TMC7: variants seen among roughly 807,000 people sequenced by gnomAD.
TMC7 encodes transmembrane channel-like protein 7.
Under a neutral mutation model 82.9 loss-of-function variants are expected in TMC7, and 54 were observed. That is an observed-to-expected ratio of 0.65 (90% confidence interval 0.52 to 0.82). The LOEUF (loss-of-function observed/expected upper bound fraction) is 0.82. Ranked by LOEUF, TMC7 falls within the 40% of genes least tolerant of loss-of-function variation. The pLI, the probability that TMC7 is intolerant of heterozygous loss-of-function variation, is 0.00. For missense variants in TMC7, 820 were observed against 901.2 expected, an observed-to-expected ratio of 0.91 and a Z score of 1.15; for synonymous variants, 350 against 337.9, an observed-to-expected ratio of 1.04 and a Z score of -0.39.
intron 12 of TMC7, among the ~76,000 whole-genome samples, chr16:19,048,177 T>C (rs996588354): frequency 1.3e-5 from 2 of 151,642 alleles, no homozygotes; most frequent in African/African-American, 4.8e-5. Context: ...GGTCTTGCCA[T>C]GTTGTCCAGG....
At chr16:18,992,368 T>A (rs1280153197) in intron 1 of TMC7, among the ~76,000 whole-genome samples, 1 of 152,244 alleles carries the variant, frequency 6.6e-6, no homozygotes, top group African/African-American at 2.4e-5. Context: ...CATTTTTTCA[T>A]GTGTCTGTTG....
chr16:19,003,592 C>G (rs1391289755), intron 1 of TMC7, among the ~76,000 whole-genome samples: 1 of 145,374 alleles, frequency 6.9e-6, no homozygotes. Context: ...AATAGAAAGG[C>G]GGGAAAGGTG....
intron 6 of TMC7, chr16:19,033,908 T>C (rs759206765): frequency 6.6e-6 from 1 of 152,226 alleles, no homozygotes; most frequent in Non-Finnish European, 1.5e-5. Flanking sequence ...GCAGAATGAC[T>C]GATCATAACA....
chr16:19,024,835 T>C (rs1336373983), intron 5 of TMC7, among the ~76,000 whole-genome samples: 1 of 151,956 alleles, frequency 6.6e-6, no homozygotes, highest in Non-Finnish European at 1.5e-5. Context: ...TAAAACCCCA[T>C]CTCTACTAAA....
intron 7 of TMC7, 95 bp downstream of exon 7, chr16:19,035,918 G>A: frequency 7.1e-7 from 1 of 1,417,092 alleles, no homozygotes; most frequent in Non-Finnish European, 9.5e-7. Context: ...TCAAGGGTCG[G>A]GGACAGGTTG....
chr16:19,050,869 A>G (rs1961506674), intron 12 of TMC7, among the ~76,000 whole-genome samples: 1 of 151,960 alleles, frequency 6.6e-6, no homozygotes, highest in Admixed American at 6.6e-5. Flanking sequence ...ACTATAACCT[A>G]ATGAACTCCT....
Position 19,040,316 on chromosome 16 carries a change from A to G in TMC7, c.1207A>G (p.Asn403Asp). ...AATCGACAAGATGGTTTTTGGAGAGAACCTCTTCATATTGTATCTACCGTC... is the reference window on the plus strand; with the variant it reads ...AATCGACAAGATGGTTTTTGGAGAGGACCTCTTCATATTGTATCTACCGTC... Reference protein sequence around the residue: ...KEIDKMVFGENLFILYLPSIV... With the variant: ...KEIDKMVFGEDLFILYLPSIV... Residue 403 changes from asparagine (N) to aspartate (D), a missense_variant, in exon 9 of 16, where the codon AAC (asparagine) becomes GAC (aspartate). By Grantham distance (23) the Asn-to-Asp change is conservative. Coordinates refer to ENST00000304381, the MANE Select transcript of TMC7 (RefSeq NM_024847.4). The G allele has an allele frequency of 6.2e-7, 1 of 1,613,624 alleles. No individual in the cohort carries two copies. Among genetic ancestry groups the G allele is most frequent in the Non-Finnish European group, 8.5e-7 (1 of 1,179,924 alleles).
chr16:19,024,548 C>CT (rs781370740), intron 5 of TMC7, among the ~76,000 whole-genome samples: 195 of 151,506 alleles, frequency 1.3e-3, no homozygotes, highest in Middle Eastern at 3.4e-3. Context: ...TATTGATATT[C>CT]TTTTTTTTTA....
rs147850292 is a variant in TMC7, at chr16:19,044,929, G to T, written c.1383G>T (p.Thr461=). The T allele has an allele frequency of 1.9e-6, 3 of 1,613,908 alleles. No homozygotes were observed. Among genetic ancestry groups the T allele is most frequent in the Admixed American group, 1.7e-5 (1 of 59,978 alleles). Residue 461 remains threonine (T), a synonymous_variant, in exon 10 of 16, where the codon ACG becomes ACT. Coordinates refer to ENST00000304381, the MANE Select transcript of TMC7 (RefSeq NM_024847.4). The part of the protein sequence containing the change: ...RLATICVLVF[T]LGSKITSCDD... ...CCACCATATGTGTCCTGGTGTTCAC[G>T]CTGGGCTCCAAGATCACATCCTGTG...
rs139437693 is a variant in TMC7 at position 19,012,609 on chromosome 16, T to G, written c.311+3194T>G. On this transcript the variant is annotated intron_variant, in intron 2 of 15. Transcript: ENST00000304381. Reference sequence around the variant, plus strand: ...TTCGAGAACAGGCTGGCCAACATGGTGAAACCTCATCTCTACTAAAAATAC... The same window carrying G: ...TTCGAGAACAGGCTGGCCAACATGGGGAAACCTCATCTCTACTAAAAATAC... Among the ~76,000 whole-genome samples, 1,047 of 151,494 alleles carry G rather than the reference T, an allele frequency of 6.9e-3. 8 individuals are homozygous for G. The highest frequency in any genetic ancestry group is 0.012 in the Non-Finnish European group (829 of 67,884).
Position 19,063,489 on chromosome 16 carries a change from G to C in TMC7, c.*1646G>C, listed in dbSNP as rs1596809165. 1 of 152,118 alleles carries C rather than the reference G, an allele frequency of 6.6e-6. No homozygotes were observed. Among genetic ancestry groups the C allele is most frequent in the South Asian group, 2.1e-4 (1 of 4,828 alleles). The allele number at this position is 152,118 out of a possible 1,614,324, so 9.4% of individuals were successfully genotyped here. A position where few individuals can be genotyped will look rare whatever the true frequency, so the allele number is the denominator to read the frequency against. On this transcript the variant is annotated 3_prime_UTR_variant, in exon 16 of 16. Transcript: ENST00000304381. ...AATCACTTGAACCTGGGAGGTGAAG[G>C]CTGCAGTGTGCGAGACCGTGCCACT...
intron 1 of TMC7, among the ~76,000 whole-genome samples, chr16:18,985,988 A>G (rs1200796806): frequency 1.3e-5 from 2 of 151,898 alleles, no homozygotes; most frequent in Non-Finnish European, 2.9e-5. Context: ...AGCTATGATT[A>G]TGACACTGGG....
At chr16:19,002,416 T>C (rs1311316828) in intron 1 of TMC7, among the ~76,000 whole-genome samples, 1 of 152,028 alleles carries the variant, frequency 6.6e-6, no homozygotes, top group African/African-American at 2.4e-5. Context: ...TGTATTTTTT[T>C]AGTAGAGACA....
intron 3 of TMC7, among the ~76,000 whole-genome samples, chr16:19,020,231 A>C (rs1332472536): frequency 3.3e-5 from 5 of 152,228 alleles, no homozygotes; most frequent in Non-Finnish European, 4.4e-5. Flanking sequence ...AGCAAACAAC[A>C]TACTTAATGA....
chr16:19,031,734 G>T (rs544673828), intron 6 of TMC7, among the ~76,000 whole-genome samples: 8 of 152,242 alleles, frequency 5.3e-5, no homozygotes, highest in Non-Finnish European at 7.4e-5. Context: ...GACAGTCCTG[G>T]GTGGGGGCAC....
At chr16:19,043,426 C>G (rs140284314) in intron 9 of TMC7, among the ~76,000 whole-genome samples, 26 of 131,884 alleles carry the variant, frequency 2.0e-4, no homozygotes, top group Admixed American at 7.6e-4. Flanking sequence ...TAGAAGTTGC[C>G]ATTTTAACCA....
chr16:19,026,210 C>T (rs1960219023), intron 5 of TMC7, among the ~76,000 whole-genome samples: 1 of 151,796 alleles, frequency 6.6e-6, no homozygotes, highest in African/African-American at 2.4e-5. Flanking sequence ...GGCACAGTGG[C>T]TCACGCCTGT....
intron 9 of TMC7, 89 bp from the exon 10 acceptor site, chr16:19,044,793 AGG>A: frequency 5.1e-6 from 3 of 587,166 alleles, no homozygotes; most frequent in South Asian, 2.3e-5. Flanking sequence ...AAAAAAAAAA[AGG>A]CAGCTTCTAC....
intron 1 of TMC7, among the ~76,000 whole-genome samples, chr16:18,999,748 G>A (rs2142143433): frequency 7.3e-6 from 1 of 136,280 alleles, no homozygotes; most frequent in East Asian, 2.0e-4. Context: ...CTAGAGTCTG[G>A]GGACGTTTTT....
Sources: gnomAD v4.1 joint callset for allele counts (sites outside exome capture counted in the v4.1 genomes callset) on GRCh38, gnomAD v4.1.1 for gene constraint, MANE v1.5 for transcripts, NCBI Gene and HGNC (gene_info 2026-07-23, HGNC 2026-07-21) for gene names.